Variants in DPH6 observed in about 807,000 individuals in gnomAD.
DPH6 encodes diphthamine biosynthesis 6.
In DPH6, 33 loss-of-function variants were observed where a neutral mutation model predicts 38.2. The ratio of observed to expected loss-of-function variants is 0.86; its 90% CI spans 0.65 to 1.15. The LOEUF (loss-of-function observed/expected upper bound fraction) is 1.15. Among genes scored for constraint, DPH6 ranks in the 50% most tolerant of loss-of-function variants. The probability of loss-of-function intolerance (pLI) is 0.00; values close to 1 mark genes in which losing one functional copy is unlikely to be tolerated. For synonymous variants in DPH6, 108 were observed against 103.0 expected (o/e 1.05, Z -0.30); for missense variants, 325 against 320.0 (o/e 1.02, Z -0.12).
the DPH6 span, among the ~76,000 whole-genome samples, chr15:35,189,584 G>C: frequency 6.6e-6 from 1 of 152,128 alleles, no homozygotes; most frequent in Non-Finnish European, 1.5e-5. Flanking sequence ...GCATTTATTA[G>C]GCATTGGTTA....
chr15:35,338,411 G>C (rs1294616127), intron 3 of DPH6, among the ~76,000 whole-genome samples: 1 of 152,180 alleles, frequency 6.6e-6, no homozygotes, highest in African/African-American at 2.4e-5. Flanking sequence ...CATTTATGCA[G>C]CCAAAAAACA....
intron 3 of DPH6, among the ~76,000 whole-genome samples, chr15:35,234,116 T>C (rs1346192799): frequency 6.6e-6 from 1 of 152,200 alleles, no homozygotes; most frequent in African/African-American, 2.4e-5. Context: ...TACTTACTAT[T>C]TGTTGAGTGA....
chr15:35,546,010 C>A, intron 1 of DPH6, 109 bp downstream of exon 1: 1 of 1,036,812 alleles, frequency 9.6e-7, no homozygotes, highest in Non-Finnish European at 1.3e-6. Context: ...GCCGCGGAAC[C>A]CCCAACGCGC....
chr15:35,152,640 C>T, the DPH6 span, among the ~76,000 whole-genome samples: 2 of 152,174 alleles, frequency 1.3e-5, no homozygotes, highest in Non-Finnish European at 2.9e-5. Flanking sequence ...GCTAGGACTA[C>T]AGGCATGTGC....
chr15:35,503,400 C>T (rs1181101055), intron 3 of DPH6, among the ~76,000 whole-genome samples: 3 of 152,032 alleles, frequency 2.0e-5, no homozygotes, highest in Non-Finnish European at 4.4e-5. Context: ...TTTCGTTGCT[C>T]TTAAAAGATC....
chr15:35,387,836 C>A (rs549241373), intron 6 of DPH6, among the ~76,000 whole-genome samples: 2 of 152,230 alleles, frequency 1.3e-5, no homozygotes, highest in East Asian at 3.9e-4. Context: ...CCCTTTATTT[C>A]CGTCTCCTGC....
intron 3 of DPH6, chr15:35,298,458 T>C: frequency 1.3e-6 from 1 of 763,166 alleles, no homozygotes; most frequent in Non-Finnish European, 2.4e-6. Flanking sequence ...TTGAGATATT[T>C]TTCACGTTCT....
chr15:35,436,651 C>T (rs34806790), intron 5 of DPH6, among the ~76,000 whole-genome samples: 39,842 of 151,890 alleles, frequency 0.26, 8,036 homozygotes, highest in African/African-American at 0.57. Flanking sequence ...TGCTCAGGCA[C>T]CTTTTTCTTT....
chr15:35,281,762 C>T (rs956914918), intron 3 of DPH6, among the ~76,000 whole-genome samples: 3 of 152,172 alleles, frequency 2.0e-5, no homozygotes, highest in African/African-American at 4.8e-5. Flanking sequence ...AGGGCCAATA[C>T]AGCTTAAGGA....
chr15:35,285,016 C>T (rs915572808), intron 3 of DPH6, among the ~76,000 whole-genome samples: 11 of 151,750 alleles, frequency 7.2e-5, no homozygotes, highest in East Asian at 3.9e-4. Context: ...TGCTATGTTA[C>T]GCAGGGTGGT....
intron 3 of DPH6, among the ~76,000 whole-genome samples, chr15:35,254,867 A>G (rs2051697112): frequency 6.6e-6 from 1 of 152,100 alleles, no homozygotes; most frequent in African/African-American, 2.4e-5. Flanking sequence ...GCAGGGGTGG[A>G]TCTCACAAAG....
chr15:35,178,835 T>TAC, the DPH6 span, among the ~76,000 whole-genome samples: 1 of 152,114 alleles, frequency 6.6e-6, no homozygotes, highest in African/African-American at 2.4e-5. Context: ...AGCTTTTGAA[T>TAC]AACAGAGAAT....
intron 5 of DPH6, among the ~76,000 whole-genome samples, chr15:35,433,917 A>G (rs2053662742): frequency 6.6e-6 from 1 of 152,250 alleles, no homozygotes; most frequent in South Asian, 2.1e-4. Context: ...CCCTTAATAT[A>G]TGTGTCTGTG....
At chr15:35,403,996 G>A (rs2053256978) in intron 6 of DPH6, among the ~76,000 whole-genome samples, 1 of 152,010 alleles carries the variant, frequency 6.6e-6, no homozygotes, top group Non-Finnish European at 1.5e-5. Flanking sequence ...TCTGTGCCTG[G>A]CTTATTTCAC....
intron 3 of DPH6, among the ~76,000 whole-genome samples, chr15:35,285,484 A>T (rs2051934909): frequency 6.6e-6 from 1 of 152,116 alleles, no homozygotes; most frequent in African/African-American, 2.4e-5. Flanking sequence ...CATCCACATA[A>T]GATGTGACTT....
chr15:35,222,034 C>G (rs1316821087), intron 3 of DPH6, among the ~76,000 whole-genome samples: 1 of 152,172 alleles, frequency 6.6e-6, no homozygotes, highest in African/African-American at 2.4e-5. Flanking sequence ...GGCCTTAACT[C>G]TAGTTTCCAA....
At chr15:35,412,718 G>A (rs560825721) in intron 5 of DPH6, among the ~76,000 whole-genome samples, 2 of 151,684 alleles carry the variant, frequency 1.3e-5, no homozygotes, top group African/African-American at 4.8e-5. Flanking sequence ...AGTGAAAAAA[G>A]CCAATTTGAA....
chr15:35,349,675 T>A lies in DPH6; in HGVS notation n.208-18598A>T, dbSNP rs372435010. 5.9e-5 allele frequency among the ~76,000 whole-genome samples: 9 copies of A among 152,194 alleles called. No homozygotes were observed. The East Asian group carries it at 1.7e-3, about 29-fold the overall frequency. ...GTCTTGAACTCCTGACCTCAAGTGA[T>A]CTGCCCACCTCGGGCTCCCAAAGTA... On this transcript the variant is annotated intron_variant and non_coding_transcript_variant, in intron 3 of 3. Coordinates refer to the DPH6 transcript ENST00000558973.
chr15:35,292,358 T>A (rs1025557502), intron 3 of DPH6, among the ~76,000 whole-genome samples: 1 of 152,144 alleles, frequency 6.6e-6, no homozygotes, highest in Non-Finnish European at 1.5e-5. Context: ...ATTCAGTAGA[T>A]CAATGATCTA....
Sources: allele counts gnomAD v4.1 joint callset (sites outside exome capture counted in the v4.1 genomes callset), GRCh38; gene constraint gnomAD v4.1.1; transcripts MANE v1.5; gene names NCBI Gene and HGNC (gene_info 2026-07-23, HGNC 2026-07-21).